Variants in UBAC2 observed in about 807,000 individuals in gnomAD.
UBAC2 encodes the protein UBA domain containing 2, also known as ubiquitin-associated domain-containing protein 2.
A neutral mutation model predicts 44.0 loss-of-function variants in UBAC2; 26 were observed. The observed-to-expected ratio is 0.59, with a 90% confidence interval of 0.43 to 0.82. The LOEUF is 0.82. UBAC2 is among the 40% of genes least tolerant of loss of function. The probability of loss-of-function intolerance (pLI) is 0.00; values close to 1 mark genes in which losing one functional copy is unlikely to be tolerated. For missense variants in UBAC2, 329 were observed against 419.4 expected (o/e 0.78, Z 1.88); for synonymous variants, 155 against 154.3 (o/e 1.00, Z -0.04).
chr13:99,356,784 A>T (rs1268118576), intron 7 of UBAC2, among the ~76,000 whole-genome samples: 2 of 152,204 alleles, frequency 1.3e-5, no homozygotes, highest in Non-Finnish European at 2.9e-5. Context: ...TATTTTTAAG[A>T]CTTTACCAAG....
At chr13:99,201,625 A>G in intron 1 of UBAC2, 1 of 1,593,490 alleles carries the variant, frequency 6.3e-7, no homozygotes. Context: ...GAGTGTGTGG[A>G]ATTGACTTTC....
intron 1 of UBAC2, among the ~76,000 whole-genome samples, chr13:99,230,563 T>A (rs1213380616): frequency 1.3e-5 from 2 of 152,182 alleles, no homozygotes; most frequent in Non-Finnish European, 1.5e-5. Flanking sequence ...AAAATCAAGG[T>A]GTCAGCAGGG....
At chr13:99,325,052 G>A (rs1488928665) in intron 6 of UBAC2, among the ~76,000 whole-genome samples, 1 of 150,446 alleles carries the variant, frequency 6.6e-6, no homozygotes, top group Non-Finnish European at 1.5e-5. Flanking sequence ...GAAAAGTAGT[G>A]GAGACAGGAT....
At chr13:99,265,508 C>T (rs934788691) in intron 4 of UBAC2, among the ~76,000 whole-genome samples, 12 of 152,228 alleles carry the variant, frequency 7.9e-5, no homozygotes, top group African/African-American at 2.7e-4. Context: ...GGTTTTAGAA[C>T]TGGAGTTTGA....
intron 4 of UBAC2, chr13:99,255,238 T>C (rs2043525972): frequency 6.2e-7 from 1 of 1,614,096 alleles, no homozygotes; most frequent in Non-Finnish European, 8.5e-7. Context: ...AAGGAGATTA[T>C]GAATAATGAC....
intron 6 of UBAC2, among the ~76,000 whole-genome samples, chr13:99,330,143 ATTGT>A (rs2138804926): frequency 6.6e-6 from 1 of 152,100 alleles, no homozygotes; most frequent in South Asian, 2.1e-4. Context: ...TGTTTTCCCA[ATTGT>A]TTGTCACTAG....
intron 5 of UBAC2, among the ~76,000 whole-genome samples, chr13:99,315,867 A>G (rs1400651066): frequency 1.3e-5 from 2 of 152,110 alleles, no homozygotes; most frequent in African/African-American, 4.8e-5. Context: ...AGGGGGTCTT[A>G]GTTGGATGAA....
At chr13:99,341,597 A>G (rs1470018125) in intron 7 of UBAC2, among the ~76,000 whole-genome samples, 2 of 152,176 alleles carry the variant, frequency 1.3e-5, no homozygotes, top group Non-Finnish European at 2.9e-5. Context: ...TGTGGAAGCT[A>G]CATATATATA....
intron 7 of UBAC2, among the ~76,000 whole-genome samples, chr13:99,354,031 GGT>G (rs2045137682): frequency 6.6e-6 from 1 of 152,262 alleles, no homozygotes; most frequent in Non-Finnish European, 1.5e-5. Flanking sequence ...AAGCAATGGA[GGT>G]GTGTGCACAC....
intron 4 of UBAC2, chr13:99,308,744 A>G (rs2044372686): frequency 6.6e-6 from 1 of 152,238 alleles, no homozygotes; most frequent in Non-Finnish European, 1.5e-5. Context: ...TGTCAGACAC[A>G]AGAAAGAGCA....
intron 4 of UBAC2, among the ~76,000 whole-genome samples, chr13:99,265,431 C>G (rs981652872): frequency 6.6e-6 from 1 of 152,236 alleles, no homozygotes; most frequent in Non-Finnish European, 1.5e-5. Flanking sequence ...TTACATCTTT[C>G]TGCCTCTGGT....
At chr13:99,210,221 CG>C (rs1399309433) in intron 1 of UBAC2, among the ~76,000 whole-genome samples, 1 of 152,058 alleles carries the variant, frequency 6.6e-6, no homozygotes, top group Non-Finnish European at 1.5e-5. Flanking sequence ...AAAATGAGTA[CG>C]TGTTCATCAG....
chr13:99,232,399 GAT>G (rs1555321112), intron 1 of UBAC2, among the ~76,000 whole-genome samples: 1 of 109,900 alleles, frequency 9.1e-6, no homozygotes, highest in African/African-American at 2.9e-5. Flanking sequence ...TTAGTTGAGA[GAT>G]ATAGATATAT....
intron 4 of UBAC2, among the ~76,000 whole-genome samples, chr13:99,246,321 T>C (rs1010215800): frequency 2.0e-5 from 3 of 152,244 alleles, no homozygotes; most frequent in Non-Finnish European, 2.9e-5. Flanking sequence ...CAGGTGGTCA[T>C]TGTAATTAGA....
intron 5 of UBAC2, 44 bp downstream of exon 5, chr13:99,314,264 T>TC: frequency 2.0e-6 from 2 of 1,007,050 alleles, no homozygotes; most frequent in Non-Finnish European, 2.7e-6. Flanking sequence ...AACCAGATCT[T>TC]TTTTTTTTTT....
chr13:99,298,720 C>T (rs891502604), intron 4 of UBAC2, among the ~76,000 whole-genome samples: 5 of 151,934 alleles, frequency 3.3e-5, no homozygotes, highest in African/African-American at 1.2e-4. Context: ...AATAGAAAAT[C>T]ATAGGGATTT....
intron 2 of UBAC2, among the ~76,000 whole-genome samples, chr13:99,242,863 C>A (rs1268282248): frequency 5.0e-5 from 7 of 139,662 alleles, no homozygotes; most frequent in African/African-American, 1.1e-4. Context: ...CGCTCCTCAC[C>A]TCCCAGACGG....
intron 7 of UBAC2, among the ~76,000 whole-genome samples, chr13:99,345,935 G>T (rs773245543): frequency 6.6e-6 from 1 of 152,000 alleles, no homozygotes; most frequent in Admixed American, 6.5e-5. Context: ...TAAAGACGGG[G>T]TTTCACCATG....
At chr13:99,367,061 C>G (rs1392691173) in intron 7 of UBAC2, among the ~76,000 whole-genome samples, 1 of 152,112 alleles carries the variant, frequency 6.6e-6, no homozygotes, top group Non-Finnish European at 1.5e-5. Context: ...TTTAAAGCAG[C>G]ATGTGATGCA....
Sources: allele counts gnomAD v4.1 joint callset (sites outside exome capture counted in the v4.1 genomes callset), GRCh38; gene constraint gnomAD v4.1.1; transcripts MANE v1.5; gene names NCBI Gene and HGNC (gene_info 2026-07-23, HGNC 2026-07-21).